The following RNF40 variants were observed in gnomAD, a reference collection of about 807,000 sequenced individuals.
RNF40 encodes ring finger protein 40.
In RNF40, 39 loss-of-function variants were observed where a neutral mutation model predicts 123.3. The observed-to-expected ratio is 0.32, with a 90% CI of 0.24 to 0.41. RNF40 has a LOEUF of 0.41. RNF40 is among the 10% of genes least tolerant of loss of function. The pLI is 1.00. For synonymous variants in RNF40, 538 were observed against 526.0 expected (o/e 1.02, Z -0.31); for missense variants, 1,003 against 1,319.9 (o/e 0.76, Z 3.72).
intron 19 of RNF40, 50 bp downstream of exon 19, chr16:30,772,240 C>A: frequency 7.0e-7 from 1 of 1,431,394 alleles, no homozygotes; most frequent in Non-Finnish European, 9.6e-7. Flanking sequence ...ATTGTAGATG[C>A]AGGATTGCTG....
chr16:30,767,459 A>T (rs1456037110), intron 11 of RNF40, among the ~76,000 whole-genome samples: 3 of 152,034 alleles, frequency 2.0e-5, no homozygotes, highest in African/African-American at 7.2e-5. Context: ...ACTTTTGTGA[A>T]TGTTACAGTT....
chr16:30,769,690 T>G, intron 17 of RNF40, 90 bp downstream of exon 17: 2 of 1,392,720 alleles, frequency 1.4e-6, no homozygotes, highest in Middle Eastern at 2.6e-4. Flanking sequence ...TGCAATAGCC[T>G]GAGGTGAAGC....
In RNF40 at chr16:30,768,698, G is replaced by A; in HGVS notation, c.2059G>A (p.Val687Met). Residue 687 changes from valine (V) to methionine (M), a missense_variant, in exon 14 of 20, where the codon GTG (valine) becomes ATG (methionine). Physicochemically the swap from Val to Met is conservative, Grantham distance 21. Coordinates refer to ENST00000324685, the MANE Select transcript of RNF40 (RefSeq NM_014771.4). The surrounding 1 kb of genome is among the most constrained non-coding windows in gnomAD (Gnocchi z 4.1). ...KSAPKEQRDK[V>M]QLMAAERKAK... ...AGCGCCCAAGGAGCAGCGGGATAAG[G>A]TGCAGCTCATGGCAGCGGAACGCAA... 6.2e-7 allele frequency: 1 copy of A among 1,614,116 alleles called. No individual in the cohort carries two copies. Among genetic ancestry groups the A allele is most frequent in the East Asian group, 2.2e-5 (1 of 44,890 alleles).
Position 30,763,188 on chromosome 16 carries a change from C to T in RNF40, c.203C>T (p.Ala68Val), listed in dbSNP as rs755858191. 1 of 1,613,632 alleles carries T rather than the reference C, an allele frequency of 6.2e-7. No individual in the cohort carries two copies. The highest frequency in any genetic ancestry group is 1.3e-5 in the African/African-American group (1 of 74,912). The change falls in exon 3 of 20, where the codon GCT becomes GTT. Residue 68 changes from alanine (A) to valine (V), a missense_variant. Ala to Val is a moderately conservative substitution (Grantham distance 64, BLOSUM62 0). Transcript: ENST00000324685. ...GCAGAGCGGCTGGAACAACGGCAGG[C>T]TTGTGAAGATGAACTCCGAGAACGA... ...KLAERLEQRQ[A>V]CEDELRERIE...
At position 30,775,215 on chromosome 16, in the gene RNF40, CAA is replaced by C. The variant is rs768658967; in HGVS notation, c.*1103_*1104del. 2.9e-6 allele frequency: 1 copy of C among 344,358 alleles called. No individual in the cohort carries two copies. The highest frequency in any genetic ancestry group is 5.7e-6 in the Non-Finnish European group (1 of 175,278). The allele number at this position is 344,358 out of a possible 1,614,324, so 21.3% of individuals were successfully genotyped here. On this transcript the variant is annotated 3_prime_UTR_variant, in exon 20 of 20. Coordinates refer to ENST00000324685, the MANE Select transcript of RNF40 (RefSeq NM_014771.4). ...GCCAGAGTAGCCAGGCCGCGCACCC[CAA>C]ATGTAGTCCCCCGATTTTAGCTGCA...
Position 30,767,886 on chromosome 16 carries a change from T to C in RNF40, c.1430-8T>C. The C allele has an allele frequency of 1.2e-6, 2 of 1,614,110 alleles. No individual in the cohort carries two copies. Among genetic ancestry groups the C allele is most frequent in the Non-Finnish European group, 1.7e-6 (2 of 1,180,020 alleles). On this transcript the variant is annotated splice_polypyrimidine_tract_variant and splice_region_variant and intron_variant, in intron 11 of 19. Coordinates refer to ENST00000324685, the MANE Select transcript of RNF40 (RefSeq NM_014771.4). ...TTCTGACACCTTTACTTGCTGATGC[T>C]CCTCCAGGGCCCATCAACCGTGAGA...
chr16:30,773,168 A>AATT (rs1204744345), intron 19 of RNF40, among the ~76,000 whole-genome samples: 2 of 152,050 alleles, frequency 1.3e-5, no homozygotes, highest in African/African-American at 4.8e-5. Flanking sequence ...AGGCTTGGGG[A>AATT]ATGTCAGTAG....
intron 5 of RNF40, 58 bp downstream of exon 5, chr16:30,764,443 A>G: frequency 6.9e-7 from 1 of 1,450,348 alleles, no homozygotes; most frequent in Non-Finnish European, 9.5e-7. Flanking sequence ...TCTTGATGGC[A>G]CCCCTTCCTG....
rs2054187038 is a variant in RNF40, at chr16:30,773,765, C to T, written c.2830-173C>T. 3 of 586,334 alleles carry T rather than the reference C, an allele frequency of 5.1e-6. No individual in the cohort carries two copies. In the East Asian group the frequency reaches 8.4e-5, roughly 16 times the overall value. The allele number at this position is 586,334 out of a possible 1,614,324, so 36.3% of individuals were successfully genotyped here. Reference sequence around the variant, plus strand: ...CTGATTTCTAGTGTTGAGACCTTGGCCTCTGCACCTCAGTTTGCTCATTCA... The same window carrying T: ...CTGATTTCTAGTGTTGAGACCTTGGTCTCTGCACCTCAGTTTGCTCATTCA... On this transcript the variant is annotated intron_variant, in intron 19 of 19. Coordinates refer to ENST00000324685, the MANE Select transcript of RNF40 (RefSeq NM_014771.4).
intron 17 of RNF40, among the ~76,000 whole-genome samples, chr16:30,770,369 C>T (rs1011029213): frequency 6.6e-6 from 1 of 151,944 alleles, no homozygotes; most frequent in Non-Finnish European, 1.5e-5. Context: ...ATTGGCCTCC[C>T]AAAGTGCTGG....
chr16:30,764,903 T>A, intron 5 of RNF40, 35 bp from the exon 6 acceptor site: 1 of 1,599,776 alleles, frequency 6.3e-7, no homozygotes, highest in South Asian at 1.1e-5. Context: ...CCCATTGCCC[T>A]GAGCTGGGCT....
In RNF40 at chr16:30,775,020, C is replaced by T. The variant is rs1410829808; in HGVS notation, c.*906C>T. The T allele has an allele frequency of 2.2e-6, 1 of 456,540 alleles. No homozygotes were observed. Among genetic ancestry groups the T allele is most frequent in the Non-Finnish European group, 4.4e-6 (1 of 226,816 alleles). The allele number at this position is 456,540 out of a possible 1,614,324, so 28.3% of individuals were successfully genotyped here. A position where few individuals can be genotyped will look rare whatever the true frequency, so the allele number is the denominator to read the frequency against. On this transcript the variant is annotated 3_prime_UTR_variant, in exon 20 of 20. Transcript: ENST00000324685. ...TTCCCCCTGACACCCTGTGACTGAG[C>T]CTGTGTCCTGTCTGCCTGCCCAGCC...
Position 30,769,245 on chromosome 16 carries a change from G to A in RNF40, c.2307G>A (p.Gln769=). 6.2e-7 allele frequency: 1 copy of A among 1,614,234 alleles called. No individual in the cohort carries two copies. Among genetic ancestry groups the A allele is most frequent in the Non-Finnish European group, 8.5e-7 (1 of 1,180,038 alleles). The change falls in exon 16 of 20, where the codon CAG becomes CAA. Residue 769 remains glutamine (Q), a synonymous_variant. Coordinates refer to ENST00000324685, the MANE Select transcript of RNF40 (RefSeq NM_014771.4). ...CAGGTCAGGCTTTTGAGGACATGCAGGAACAGAACGGGCGGCTGCTACAGC... is the reference window on the plus strand; with the variant it reads ...CAGGTCAGGCTTTTGAGGACATGCAAGAACAGAACGGGCGGCTGCTACAGC... The part of the protein sequence containing the change: ...DVTGQAFEDM[Q]EQNGRLLQQL...
chr16:30,775,235 T>G lies in RNF40; in HGVS notation c.*1121T>G. The stretch of plus-strand genomic sequence containing the variant: ...CACCCCAAATGTAGTCCCCCGATTT[T>G]AGCTGCAGCAGCTGAGCAGCACTTT... On this transcript the variant is annotated 3_prime_UTR_variant, in exon 20 of 20. Coordinates refer to ENST00000324685, the MANE Select transcript of RNF40 (RefSeq NM_014771.4). The G allele has an allele frequency of 2.9e-6, 1 of 340,662 alleles. No individual in the cohort carries two copies. The highest frequency in any genetic ancestry group is 2.2e-5 in the South Asian group (1 of 45,658). The allele number at this position is 340,662 out of a possible 1,614,324, so 21.1% of individuals were successfully genotyped here.
In RNF40 at chr16:30,764,413, G is replaced by A. The variant is rs1458718748; in HGVS notation, c.649+28G>A. ...GGGTTCTTTGTGCCCATACTGAAGGGGTGTCCATCCCCACCTGCATCTTGA... is the reference window on the plus strand; with the variant it reads ...GGGTTCTTTGTGCCCATACTGAAGGAGTGTCCATCCCCACCTGCATCTTGA... On this transcript the variant is annotated intron_variant, in intron 5 of 19. Coordinates refer to ENST00000324685, the MANE Select transcript of RNF40 (RefSeq NM_014771.4). The A allele has an allele frequency of 8.2e-6, 13 of 1,586,896 alleles. No homozygotes were observed. In the Admixed American group the frequency reaches 2.0e-4, roughly 25 times the overall value.
chr16:30,770,745 T>G (rs2054134138), intron 17 of RNF40, among the ~76,000 whole-genome samples: 1 of 152,174 alleles, frequency 6.6e-6, no homozygotes, highest in Admixed American at 6.5e-5. Context: ...GGAGTCTAGC[T>G]CTGTTGCCCA....
chr16:30,774,407 C>A lies in RNF40; in HGVS notation c.*293C>A. On this transcript the variant is annotated 3_prime_UTR_variant, in exon 20 of 20. Transcript: ENST00000324685. ...AGCACTTGACTGAGCTTCCCGGAAA[C>A]TGGCCCTAACCTGTCTGTCTCCGTG... 2.7e-6 allele frequency: 1 copy of A among 369,352 alleles called. No homozygotes were observed. The highest frequency in any genetic ancestry group is 5.0e-6 in the Non-Finnish European group (1 of 201,858). The allele number at this position is 369,352 out of a possible 1,614,324, so 22.9% of individuals were successfully genotyped here. A position where few individuals can be genotyped will look rare whatever the true frequency, so the allele number is the denominator to read the frequency against.
chr16:30,771,771 A>C, intron 17 of RNF40, 62 bp from the exon 18 acceptor site: 1 of 1,499,750 alleles, frequency 6.7e-7, no homozygotes. Flanking sequence ...GTGGGCCGTG[A>C]CTCCACATGC....
rs1406752262 is a variant in RNF40 at position 30,766,127 on chromosome 16, GC to G, written c.994-33del. 6.2e-7 allele frequency: 1 copy of G among 1,612,662 alleles called. No individual in the cohort carries two copies. Among genetic ancestry groups the G allele is most frequent in the Non-Finnish European group, 8.5e-7 (1 of 1,179,586 alleles). On this transcript the variant is annotated intron_variant, in intron 8 of 19. Transcript: ENST00000324685. The surrounding 1 kb of genome is among the most constrained non-coding windows in gnomAD (Gnocchi z 5.4). The stretch of plus-strand genomic sequence containing the variant: ...TAAGGGAGGCCTGCTGCCACGTCTG[GC>G]CCTGCCTCCCATGGCCCTGCCTCCC...
Sources: gnomAD v4.1 joint callset for allele counts (sites outside exome capture counted in the v4.1 genomes callset) on GRCh38, gnomAD v4.1.1 for gene constraint, Gnocchi (gnomAD v3.1) non-coding constraint, MANE v1.5 for transcripts, NCBI Gene and HGNC (gene_info 2026-07-23, HGNC 2026-07-21) for gene names.